Variants in IPO11 observed in about 807,000 individuals in gnomAD.
IPO11 encodes the protein importin-11.
IPO11 carries 66 observed loss-of-function variants against 143.2 expected under a neutral mutation model. That is an observed-to-expected ratio of 0.46 (90% CI 0.38 to 0.57). The LOEUF (loss-of-function observed/expected upper bound fraction) is 0.57. Among genes scored for constraint, IPO11 ranks in the 20% least tolerant of loss-of-function variants. IPO11 has a pLI of 0.00. For synonymous variants in IPO11, 385 were observed against 377.8 expected, an observed-to-expected ratio of 1.02 and a Z score of -0.22; for missense variants, 1,026 against 1,141.0, an observed-to-expected ratio of 0.90 and a Z score of 1.45.
intron 27 of IPO11, among the ~76,000 whole-genome samples, chr5:62,575,663 T>G (rs1580341552): frequency 1.3e-5 from 2 of 152,210 alleles, no homozygotes; most frequent in East Asian, 1.9e-4. Context: ...CTCGTTAGAA[T>G]ATTGCATAAG....
intron 1 of IPO11, among the ~76,000 whole-genome samples, chr5:62,423,321 A>T (rs572576539): frequency 6.6e-6 from 1 of 152,302 alleles, no homozygotes; most frequent in East Asian, 1.9e-4. Context: ...CATTTACTGA[A>T]CATCCTTCAC....
At chr5:62,442,866 A>G (rs1744542908) in intron 2 of IPO11, 117 bp from the exon 3 acceptor site, 1 of 575,102 alleles carries the variant, frequency 1.7e-6, no homozygotes, top group Non-Finnish European at 2.9e-6. Context: ...CTGTCTCAAA[A>G]ACAAAACAAA....
intron 3 of IPO11, among the ~76,000 whole-genome samples, chr5:62,444,097 C>CTTTTTTT (rs533439906): frequency 1.4e-5 from 2 of 139,202 alleles, no homozygotes; most frequent in African/African-American, 5.3e-5. Flanking sequence ...ATGTCTTTTT[C>CTTTTTTT]TTTTTTTTTT....
intron 9 of IPO11, among the ~76,000 whole-genome samples, chr5:62,479,864 A>C (rs1459535499): frequency 2.0e-5 from 3 of 152,160 alleles, no homozygotes; most frequent in Non-Finnish European, 4.4e-5. Context: ...GTAGATTGCA[A>C]AAATTTTCTC....
chr5:62,497,719 T>C (rs1741204823), intron 16 of IPO11, among the ~76,000 whole-genome samples: 1 of 152,234 alleles, frequency 6.6e-6, no homozygotes, highest in Non-Finnish European at 1.5e-5. Context: ...CTTCCCACCT[T>C]GGCCTCCCAA....
chr5:62,511,057 T>C (rs1193190829), intron 19 of IPO11, among the ~76,000 whole-genome samples: 1 of 152,200 alleles, frequency 6.6e-6, no homozygotes, highest in East Asian at 1.9e-4. Context: ...TTTGAAATAC[T>C]ATTTTTATAG....
chr5:62,604,452 C>T (rs992635625), intron 29 of IPO11, among the ~76,000 whole-genome samples: 9 of 152,180 alleles, frequency 5.9e-5, no homozygotes, highest in Admixed American at 5.2e-4. Flanking sequence ...CTCAGGTGAT[C>T]TGCCCACCTT....
chr5:62,613,741 C>T (rs1179406683), intron 29 of IPO11, among the ~76,000 whole-genome samples: 2 of 152,142 alleles, frequency 1.3e-5, no homozygotes, highest in Non-Finnish European at 2.9e-5. Flanking sequence ...AGAGCTTCCA[C>T]CTGGTTCTCT....
intron 26 of IPO11, among the ~76,000 whole-genome samples, chr5:62,559,130 A>G (rs1580323942): frequency 2.0e-5 from 3 of 152,238 alleles, no homozygotes; most frequent in Non-Finnish European, 2.9e-5. Flanking sequence ...CTGCTGGCTG[A>G]TCAGGATGGT....
At chr5:62,578,503 C>T (rs1436414093) in intron 27 of IPO11, among the ~76,000 whole-genome samples, 1 of 152,014 alleles carries the variant, frequency 6.6e-6, no homozygotes, top group African/African-American at 2.4e-5. Flanking sequence ...TGTTTGATAG[C>T]TAGAGTCTGT....
intron 29 of IPO11, among the ~76,000 whole-genome samples, chr5:62,622,542 C>T (rs2112483792): frequency 6.6e-6 from 1 of 152,226 alleles, no homozygotes; most frequent in Non-Finnish European, 1.5e-5. Context: ...AAGATGATTG[C>T]ATATTGAAAC....
At chr5:62,450,673 A>AC (rs1316129919) in intron 4 of IPO11, among the ~76,000 whole-genome samples, 1 of 151,696 alleles carries the variant, frequency 6.6e-6, no homozygotes, top group African/African-American at 2.4e-5. Context: ...TAAAAAAAAA[A>AC]AAAACAACTC....
chr5:62,474,862 G>A (rs1013392441), intron 8 of IPO11, among the ~76,000 whole-genome samples: 1 of 152,190 alleles, frequency 6.6e-6, no homozygotes, highest in Non-Finnish European at 1.5e-5. Flanking sequence ...TAACAGGCAG[G>A]TAGTGTATAT....
chr5:62,595,160 G>C (rs1745170527), intron 28 of IPO11, among the ~76,000 whole-genome samples: 1 of 152,192 alleles, frequency 6.6e-6, no homozygotes, highest in Non-Finnish European at 1.5e-5. Context: ...TCACACAGTA[G>C]AATCTGCATT....
At position 62,621,435 on chromosome 5, in the gene IPO11, C is replaced by T. The variant is rs969221795; in HGVS notation, c.2764-5719C>T. ...CCACACAGGAACAGGAGAGGCCAGG[C>T]TCCTCCCCCTGCAAATGGGGCATAC... is the stretch of plus-strand genomic sequence containing the variant. On this transcript the variant is annotated intron_variant, in intron 29 of 29. Coordinates refer to ENST00000325324, the MANE Select transcript of IPO11 (RefSeq NM_016338.5). 2.0e-5 allele frequency among the ~76,000 whole-genome samples: 3 copies of T among 152,172 alleles called. No homozygotes were observed. In the East Asian group the frequency reaches 5.8e-4, roughly 29 times the overall value.
intron 26 of IPO11, among the ~76,000 whole-genome samples, chr5:62,553,523 T>G (rs1743465903): frequency 6.6e-6 from 1 of 152,220 alleles, no homozygotes; most frequent in Non-Finnish European, 1.5e-5. Flanking sequence ...GTGAGATTGC[T>G]GGATCATACG....
At chr5:62,580,831 A>G in intron 27 of IPO11, 1 of 1,551,460 alleles carries the variant, frequency 6.4e-7, no homozygotes, top group South Asian at 1.2e-5. Flanking sequence ...ACCTGCTGGT[A>G]GATTTTTTCA....
At chr5:62,423,992 T>TA (rs1174356499) in intron 1 of IPO11, among the ~76,000 whole-genome samples, 1 of 152,166 alleles carries the variant, frequency 6.6e-6, no homozygotes, top group East Asian at 1.9e-4. Flanking sequence ...CTGCCTCTTG[T>TA]TCTTCTCTTT....
rs568607600 is a variant in IPO11, at chr5:62,508,856, T to G, written c.1782+2499T>G. 2.0e-5 allele frequency among the ~76,000 whole-genome samples: 3 copies of G among 152,112 alleles called. No individual in the cohort carries two copies. In the South Asian group the frequency reaches 6.2e-4, roughly 32 times the overall value. ...CACCTATGAGTGAGAACATGCGGTG[T>G]TTGGTTTTCTGTCCTTGTGGTAGTT... On this transcript the variant is annotated intron_variant, in intron 19 of 29. Transcript: ENST00000325324.
Sources: gnomAD v4.1 joint callset for allele counts (sites outside exome capture counted in the v4.1 genomes callset) on GRCh38, gnomAD v4.1.1 for gene constraint, MANE v1.5 for transcripts, NCBI Gene and HGNC (gene_info 2026-07-23, HGNC 2026-07-21) for gene names.